The following STRN variants were observed in gnomAD, a reference collection of about 807,000 sequenced individuals.
STRN encodes the protein striatin.
In STRN, 53 loss-of-function variants were observed where a neutral mutation model predicts 96.3. The ratio of observed to expected loss-of-function variants is 0.55; its 90% confidence interval spans 0.44 to 0.69. The LOEUF is 0.69. STRN is among the 30% of genes least tolerant of loss of function. The pLI is 0.00. For missense variants in STRN, 987 were observed against 963.9 expected (o/e 1.02, Z -0.32); for synonymous variants, 428 against 355.9 (o/e 1.20, Z -2.28).
chr2:36,940,677 A>C (rs1230355162), intron 1 of STRN, among the ~76,000 whole-genome samples: 1 of 151,812 alleles, frequency 6.6e-6, no homozygotes, highest in Non-Finnish European at 1.5e-5. Flanking sequence ...AATAAAAATA[A>C]AAATAAAAAT....
At chr2:36,907,279 G>C (rs1558647653) in intron 3 of STRN, among the ~76,000 whole-genome samples, 1 of 152,224 alleles carries the variant, frequency 6.6e-6, no homozygotes, top group Non-Finnish European at 1.5e-5. Context: ...GACAGGCACA[G>C]TGGCTCACAC....
intron 1 of STRN, among the ~76,000 whole-genome samples, chr2:36,957,846 G>C (rs1664934030): frequency 7.4e-6 from 1 of 135,684 alleles, no homozygotes; most frequent in Admixed American, 8.0e-5. Context: ...TGCCTCCCAG[G>C]TTCAGGTGAT....
chr2:36,964,175 C>G, intron 1 of STRN, among the ~76,000 whole-genome samples: 1 of 67,246 alleles, frequency 1.5e-5, no homozygotes, highest in African/African-American at 1.1e-4. Flanking sequence ...AGGGAGTGAA[C>G]GGGGCGGGGC....
At chr2:36,910,150 G>C (rs1417550832) in intron 3 of STRN, among the ~76,000 whole-genome samples, 1 of 150,864 alleles carries the variant, frequency 6.6e-6, no homozygotes, top group African/African-American at 2.5e-5. Flanking sequence ...TCCAGCCTGG[G>C]GGACAAGAGC....
intron 15 of STRN, among the ~76,000 whole-genome samples, chr2:36,851,696 A>G (rs3770781): frequency 0.43 from 65,210 of 152,002 alleles, 14,258 homozygotes; most frequent in East Asian, 0.58. Context: ...TCATTCTACA[A>G]TGTTCTGTGA....
chr2:36,901,563 A>C lies in STRN; in HGVS notation c.659+1021T>G, dbSNP rs13421213. ...CGAGACTCCGCCTCAAAAAAAAAAA[A>C]AAAAAACATTTATACTATCTAAGTT... On this transcript the variant is annotated intron_variant, in intron 5 of 17. Transcript: ENST00000263918. Among the ~76,000 whole-genome samples, 1,086 of 151,444 alleles carry C rather than the reference A, an allele frequency of 7.2e-3. 18 individuals carry two copies. Among genetic ancestry groups the C allele is most frequent in the African/African-American group, 0.025 (1,040 of 40,930 alleles).
chr2:36,877,318 G>T (rs897817750), intron 10 of STRN, among the ~76,000 whole-genome samples: 6 of 152,098 alleles, frequency 3.9e-5, no homozygotes, highest in Non-Finnish European at 8.8e-5. Context: ...TCCAAATTTG[G>T]TAATGGAAAA....
At chr2:36,964,590 T>A (rs953370778) in intron 1 of STRN, among the ~76,000 whole-genome samples, 1 of 152,144 alleles carries the variant, frequency 6.6e-6, no homozygotes, top group Non-Finnish European at 1.5e-5. Context: ...AGTTGCCAAA[T>A]AATATAAACA....
intron 10 of STRN, 47 bp downstream of exon 10, chr2:36,877,844 G>C (rs1256386669): frequency 1.2e-6 from 2 of 1,606,100 alleles, no homozygotes; most frequent in African/African-American, 1.3e-5. Flanking sequence ...CCAAGTTTTT[G>C]TTTTTAAAAA....
At chr2:36,874,374 AT>A (rs1166774196) in intron 10 of STRN, among the ~76,000 whole-genome samples, 2 of 152,162 alleles carry the variant, frequency 1.3e-5, no homozygotes, top group Admixed American at 1.3e-4. Flanking sequence ...CATAAAAAAA[AT>A]AAAGGGAATA....
chr2:36,894,864 C>A (rs1379274507), intron 6 of STRN, among the ~76,000 whole-genome samples: 1 of 152,156 alleles, frequency 6.6e-6, no homozygotes, highest in Non-Finnish European at 1.5e-5. Flanking sequence ...GCCCTGTTCC[C>A]ATGCTGTTAA....
chr2:36,921,952 T>C (rs1380787501), intron 2 of STRN, among the ~76,000 whole-genome samples: 1 of 152,236 alleles, frequency 6.6e-6, no homozygotes, highest in Non-Finnish European at 1.5e-5. Flanking sequence ...TTTTAGAACA[T>C]CTGAATATAG....
intron 14 of STRN, among the ~76,000 whole-genome samples, chr2:36,856,433 G>T (rs1157588334): frequency 2.0e-5 from 3 of 152,030 alleles, no homozygotes; most frequent in Non-Finnish European, 4.4e-5. Flanking sequence ...ACAAATTATG[G>T]CTTAATGAAA....
chr2:36,863,831 T>G (rs1668554905), intron 12 of STRN, among the ~76,000 whole-genome samples: 1 of 152,224 alleles, frequency 6.6e-6, no homozygotes, highest in South Asian at 2.1e-4. Context: ...TCTGATTTCT[T>G]TGAGCAGTGT....
intron 13 of STRN, 82 bp downstream of exon 13, chr2:36,861,048 CTT>C (rs1668466500): frequency 6.7e-7 from 1 of 1,501,948 alleles, no homozygotes; most frequent in Non-Finnish European, 9.0e-7. Context: ...TCAAAAATCT[CTT>C]TATCTCTTCC....
chr2:36,953,199 C>G (rs1306622503), intron 1 of STRN, among the ~76,000 whole-genome samples: 1 of 152,150 alleles, frequency 6.6e-6, no homozygotes, highest in African/African-American at 2.4e-5. Flanking sequence ...TTTCACCCAA[C>G]CTTATTCAAT....
intron 2 of STRN, among the ~76,000 whole-genome samples, chr2:36,918,464 A>C (rs1670168425): frequency 6.6e-6 from 1 of 151,874 alleles, no homozygotes; most frequent in Admixed American, 6.6e-5. Context: ...TTTTTTATAT[A>C]TATATAAAAG....
rs1668105790 is a variant in STRN at position 36,847,323 on chromosome 2, A to G, written c.*2133T>C. 1 of 152,180 alleles carries G rather than the reference A, an allele frequency of 6.6e-6. No homozygotes were observed. Among genetic ancestry groups the G allele is most frequent in the Non-Finnish European group, 1.5e-5 (1 of 68,026 alleles). The allele number at this position is 152,180 out of a possible 1,614,324, so 9.4% of individuals were successfully genotyped here. On this transcript the variant is annotated 3_prime_UTR_variant, in exon 18 of 18. Transcript: ENST00000263918. Reference sequence around the variant, plus strand: ...AACTGAAGATCTTAGAAGGTAATTAATAACTGGTAGAACAATAGCTTTGTG... The same window carrying G: ...AACTGAAGATCTTAGAAGGTAATTAGTAACTGGTAGAACAATAGCTTTGTG...
At chr2:36,897,937 C>G (rs1669588710) in intron 6 of STRN, among the ~76,000 whole-genome samples, 1 of 152,082 alleles carries the variant, frequency 6.6e-6, no homozygotes, top group East Asian at 1.9e-4. Context: ...GTGATCCTCC[C>G]ACTTCAGCCT....
Sources: allele counts gnomAD v4.1 joint callset (sites outside exome capture counted in the v4.1 genomes callset), GRCh38; gene constraint gnomAD v4.1.1; transcripts MANE v1.5; gene names NCBI Gene and HGNC (gene_info 2026-07-23, HGNC 2026-07-21).